The following UAP1L1 variants were observed in gnomAD, a reference collection of about 807,000 sequenced individuals.
UAP1L1 encodes the protein UDP-N-acetylglucosamine pyrophosphorylase 1 like 1.
In UAP1L1, 45 loss-of-function variants were observed where a neutral mutation model predicts 45.3. The ratio of observed to expected loss-of-function variants is 0.99; its 90% confidence interval spans 0.78 to 1.27. UAP1L1 has a LOEUF of 1.27. UAP1L1 is among the 50% of genes most tolerant of loss of function. The probability of loss-of-function intolerance (pLI) is 0.00; values close to 1 mark genes in which losing one functional copy is unlikely to be tolerated. For missense variants in UAP1L1, 667 were observed against 694.0 expected, an observed-to-expected ratio of 0.96 and a Z score of 0.44; for synonymous variants, 323 against 303.9, an observed-to-expected ratio of 1.06 and a Z score of -0.65.
Position 137,082,674 on chromosome 9 carries a change from C to G in UAP1L1, c.1469C>G (p.Ser490Cys). The change falls in exon 9 of 9, where the codon TCC (serine) becomes TGC (cysteine). Residue 490 changes from serine (S) to cysteine (C), a missense_variant. Physicochemically the swap from Ser to Cys is moderately radical, Grantham distance 112 (BLOSUM62 -1). Transcript: ENST00000409858. The surrounding 1 kb of genome is among the most constrained non-coding windows in gnomAD (Gnocchi z 5.7). ...TACCTGCAAGGCCGGGAGTTCCAGTCCCCGCTCATCCTGGATGAAGACCAG... is the reference window on the plus strand; with the variant it reads ...TACCTGCAAGGCCGGGAGTTCCAGTGCCCGCTCATCCTGGATGAAGACCAG... Reference protein sequence around the residue: ...EVYLQGREFQSPLILDEDQAR... With the variant: ...EVYLQGREFQCPLILDEDQAR... The G allele has an allele frequency of 1.9e-6, 3 of 1,552,202 alleles. No individual in the cohort carries two copies. Among genetic ancestry groups the G allele is most frequent in the Non-Finnish European group, 2.6e-6 (3 of 1,147,476 alleles).
At chr9:137,079,837 G>C in intron 5 of UAP1L1, 165 bp from the exon 6 acceptor site, 1 of 789,330 alleles carries the variant, frequency 1.3e-6, no homozygotes, top group Non-Finnish European at 2.0e-6. Context: ...GCCTGTGCCT[G>C]CTTCTCCCTG....
rs1324538146 is a variant in UAP1L1, at chr9:137,080,043, A to G, written c.1079A>G (p.Lys360Arg). The part of the protein sequence containing the change: ...PLLKPHVAVK[K>R]VPYVDEEGNL... ...CTGAAGCCACACGTGGCTGTGAAGA[A>G]GGTCCCGTATGTGGATGAGGAGGGG... Residue 360 changes from lysine to arginine, a missense_variant, in exon 6 of 9, where the codon AAG becomes AGG. Lys to Arg is a conservative substitution (Grantham distance 26). Coordinates refer to ENST00000409858, the MANE Select transcript of UAP1L1 (RefSeq NM_207309.3). 6.2e-7 allele frequency: 1 copy of G among 1,614,126 alleles called. No homozygotes were observed. The highest frequency in any genetic ancestry group is 8.5e-7 in the Non-Finnish European group (1 of 1,179,986).
rs1832817143 is a variant in UAP1L1 at position 137,083,054 on chromosome 9, C to T, written c.*325C>T. 2 of 326,158 alleles carry T rather than the reference C, an allele frequency of 6.1e-6. No individual in the cohort carries two copies. The highest frequency in any genetic ancestry group is 2.1e-5 in the African/African-American group (1 of 48,128). The allele number at this position is 326,158 out of a possible 1,614,324, so 20.2% of individuals were successfully genotyped here. A position where few individuals can be genotyped will look rare whatever the true frequency, so the allele number is the denominator to read the frequency against. On this transcript the variant is annotated 3_prime_UTR_variant, in exon 9 of 9. Coordinates refer to ENST00000409858, the MANE Select transcript of UAP1L1 (RefSeq NM_207309.3). ...GGACTTGGGACCTGGGAGAATGGGG[C>T]TGAGAGGAGGCTTCGGGTTGGGGCC...
Position 137,078,996 on chromosome 9 carries a change from T to A in UAP1L1, c.691T>A (p.Cys231Ser), listed in dbSNP as rs757649106. ...TGCAGACGGCAACGGGGGCCTCTACTGCGCGCTGGAGGACCACAAGATCCT... is the reference window on the plus strand; with the variant it reads ...TGCAGACGGCAACGGGGGCCTCTACAGCGCGCTGGAGGACCACAAGATCCT... ...MAPDGNGGLY[C>S]ALEDHKILED... Residue 231 changes from cysteine to serine, a missense_variant, in exon 4 of 9, where the codon TGC (cysteine) becomes AGC (serine). Transcript: ENST00000409858. The A allele has an allele frequency of 5.0e-6, 8 of 1,595,628 alleles. No individual in the cohort carries two copies. The South Asian group carries it at 6.8e-5, about 14-fold the overall frequency.
At chr9:137,079,522 G>A (rs1000008940) in intron 5 of UAP1L1, 73 bp downstream of exon 5, 2 of 1,433,458 alleles carry the variant, frequency 1.4e-6, no homozygotes, top group African/African-American at 2.9e-5. Flanking sequence ...CGGGGTCCCA[G>A]TGAGCTGAGT....
intron 5 of UAP1L1, 84 bp from the exon 6 acceptor site, chr9:137,079,918 G>T: frequency 6.5e-7 from 1 of 1,537,516 alleles, no homozygotes; most frequent in African/African-American, 1.4e-5. Flanking sequence ...ACCCAGCTGG[G>T]TGTGCTCAGA....
Position 137,082,805 on chromosome 9 carries a change from C to A in UAP1L1, c.*76C>A. The A allele has an allele frequency of 7.8e-7, 1 of 1,280,228 alleles. No homozygotes were observed. The highest frequency in any genetic ancestry group is 1.1e-6 in the Non-Finnish European group (1 of 918,256). The allele number at this position is 1,280,228 out of a possible 1,614,324, so 79.3% of individuals were successfully genotyped here. A position where few individuals can be genotyped will look rare whatever the true frequency, so the allele number is the denominator to read the frequency against. ...CTGGAAGTCCCGACTCCCCCCAGAC[C>A]TGCCAGCCCCGGCGTCCTGGAGCTG... On this transcript the variant is annotated 3_prime_UTR_variant, in exon 9 of 9. Coordinates refer to ENST00000409858, the MANE Select transcript of UAP1L1 (RefSeq NM_207309.3). The surrounding 1 kb of genome is among the most constrained non-coding windows in gnomAD (Gnocchi z 5.7).
chr9:137,079,502 C>T, intron 5 of UAP1L1, 53 bp downstream of exon 5: 1 of 1,527,032 alleles, frequency 6.5e-7, no homozygotes, highest in Non-Finnish European at 8.8e-7. Context: ...CTGCGTTGAC[C>T]AGGGACCCGC....
chr9:137,082,038 T>A lies in UAP1L1; in HGVS notation c.1405T>A (p.Ser469Thr). 1.9e-6 allele frequency: 3 copies of A among 1,614,056 alleles called. No homozygotes were observed. The highest frequency in any genetic ancestry group is 2.5e-6 in the Non-Finnish European group (3 of 1,180,012). Reference sequence around the variant, plus strand: ...AGACCCTCCGGCCATCTGTGAGATATCGCCCTTGGTGTCTTACTCTGGAGA... The same window carrying A: ...AGACCCTCCGGCCATCTGTGAGATAACGCCCTTGGTGTCTTACTCTGGAGA... ...NGDPPAICEISPLVSYSGEGL... is the reference protein window; with the variant it reads ...NGDPPAICEITPLVSYSGEGL... The change falls in exon 8 of 9, where the codon TCG (serine) becomes ACG (threonine). Residue 469 changes from serine (S) to threonine (T), a missense_variant. Coordinates refer to ENST00000409858, the MANE Select transcript of UAP1L1 (RefSeq NM_207309.3). The surrounding 1 kb of genome is among the most constrained non-coding windows in gnomAD (Gnocchi z 5.7).
chr9:137,079,216 C>T, intron 4 of UAP1L1, 40 bp from the exon 5 acceptor site: 1 of 1,595,310 alleles, frequency 6.3e-7, no homozygotes, highest in Non-Finnish European at 8.5e-7. Flanking sequence ...CCCCGCCCCT[C>T]CGCCCAGCCC....
intron 6 of UAP1L1, 186 bp from the exon 7 acceptor site, chr9:137,080,503 G>C: frequency 1.6e-6 from 1 of 640,616 alleles, no homozygotes. Flanking sequence ...GGAAATGGCT[G>C]CTGGGATTGG....
chr9:137,078,269 C>T lies in UAP1L1; in HGVS notation c.494+15C>T. 1.3e-6 allele frequency: 2 copies of T among 1,529,448 alleles called. No individual in the cohort carries two copies. Among genetic ancestry groups the T allele is most frequent in the South Asian group, 2.4e-5 (2 of 82,372 alleles). 94.7% of individuals were successfully genotyped at this position (1,529,448 alleles called of 1,614,324 possible). A position where few individuals can be genotyped will look rare whatever the true frequency, so the allele number is the denominator to read the frequency against. ...ACCGTCCCCTGGTGTGTCCTGCCTG[C>T]CCTACCTCGGCCCGGAGGTACCCTT... On this transcript the variant is annotated intron_variant, in intron 2 of 8. Coordinates refer to ENST00000409858, the MANE Select transcript of UAP1L1 (RefSeq NM_207309.3).
At position 137,078,674 on chromosome 9, in the gene UAP1L1, C is replaced by G. The variant is rs769150154; in HGVS notation, c.667C>G (p.Pro223Ala). ...LERKDKVAMAPDGNGGLYCAL... is the reference protein window; with the variant it reads ...LERKDKVAMAADGNGGLYCAL... ...GCGGAAAGACAAAGTTGCCATGGCC[C>G]CAGGTGTGGCCCGTTCCTGAGACGG... Residue 223 changes from proline to alanine, a missense_variant, in exon 3 of 9, where the codon CCA becomes GCA. By Grantham distance (27) the Pro-to-Ala change is conservative. Transcript: ENST00000409858. 8.1e-6 allele frequency: 13 copies of G among 1,610,440 alleles called. No individual in the cohort carries two copies. Among genetic ancestry groups the G allele is most frequent in the Non-Finnish European group, 1.1e-5 (13 of 1,178,298 alleles).
At position 137,082,584 on chromosome 9, in the gene UAP1L1, C is replaced by T. The variant is rs1832806522; in HGVS notation, c.1432-53C>T. On this transcript the variant is annotated intron_variant, in intron 8 of 8. Transcript: ENST00000409858. The surrounding 1 kb of genome is among the most constrained non-coding windows in gnomAD (Gnocchi z 5.7). Reference sequence around the variant, plus strand: ...GTGGCTCTTGGTGTGGCCAGAGGGGCTGTGACCCGCCAAAAGGTGGGTACT... The same window carrying T: ...GTGGCTCTTGGTGTGGCCAGAGGGGTTGTGACCCGCCAAAAGGTGGGTACT... The T allele has an allele frequency of 3.5e-6, 5 of 1,446,052 alleles. No individual in the cohort carries two copies. In the Admixed American group the frequency reaches 9.9e-5, roughly 29 times the overall value. 89.6% of individuals were successfully genotyped at this position (1,446,052 alleles called of 1,614,324 possible). A position where few individuals can be genotyped will look rare whatever the true frequency, so the allele number is the denominator to read the frequency against.
rs1373259879 is a variant in UAP1L1 at position 137,078,641 on chromosome 9, A to T, written c.634A>T (p.Ile212Phe). The T allele has an allele frequency of 1.2e-6, 2 of 1,612,902 alleles. No homozygotes were observed. Among genetic ancestry groups the T allele is most frequent in the South Asian group, 1.1e-5 (1 of 91,092 alleles). ...TGCTGTGACCTTTGATGGCAAGGTT[A>T]TCCTGGAGCGGAAAGACAAAGTTGC... The part of the protein sequence containing the change: ...LPAVTFDGKV[I>F]LERKDKVAMA... The change falls in exon 3 of 9, where the codon ATC becomes TTC. Residue 212 changes from isoleucine to phenylalanine, a missense_variant. Transcript: ENST00000409858.
Position 137,082,547 on chromosome 9 carries a change from C to T in UAP1L1, c.1432-90C>T. On this transcript the variant is annotated intron_variant, in intron 8 of 8. Coordinates refer to ENST00000409858, the MANE Select transcript of UAP1L1 (RefSeq NM_207309.3). The surrounding 1 kb of genome is among the most constrained non-coding windows in gnomAD (Gnocchi z 5.7). ...CTGACTCCAGGCAGACCTGGGATCGCACCTGGGGACTGTGGCTCTTGGTGT... is the reference window on the plus strand; with the variant it reads ...CTGACTCCAGGCAGACCTGGGATCGTACCTGGGGACTGTGGCTCTTGGTGT... 1 of 1,089,282 alleles carries T rather than the reference C, an allele frequency of 9.2e-7. No homozygotes were observed. The highest frequency in any genetic ancestry group is 1.4e-6 in the Non-Finnish European group (1 of 735,690). The allele number at this position is 1,089,282 out of a possible 1,614,324, so 67.5% of individuals were successfully genotyped here.
intron 6 of UAP1L1, chr9:137,080,391 C>T: frequency 1.7e-6 from 1 of 593,500 alleles, no homozygotes; most frequent in Non-Finnish European, 2.9e-6. Flanking sequence ...TTCCACTGCC[C>T]CCACCCATGG....
chr9:137,082,374 G>A lies in UAP1L1; in HGVS notation c.1432-263G>A, dbSNP rs1832802222. ...CGGCCTCTGCTACCTCCCTGACCTCGGCTGCCCTTGCCCCTTTCTCTGGTC... is the reference window on the plus strand; with the variant it reads ...CGGCCTCTGCTACCTCCCTGACCTCAGCTGCCCTTGCCCCTTTCTCTGGTC... On this transcript the variant is annotated intron_variant, in intron 8 of 8. Coordinates refer to ENST00000409858, the MANE Select transcript of UAP1L1 (RefSeq NM_207309.3). The surrounding 1 kb of genome is among the most constrained non-coding windows in gnomAD (Gnocchi z 5.7). 6.7e-6 allele frequency: 4 copies of A among 595,822 alleles called. No individual in the cohort carries two copies. Among genetic ancestry groups the A allele is most frequent in the South Asian group, 2.0e-5 (1 of 49,822 alleles). The allele number at this position is 595,822 out of a possible 1,614,324, so 36.9% of individuals were successfully genotyped here.
intron 7 of UAP1L1, among the ~76,000 whole-genome samples, chr9:137,081,627 A>T (rs1167684678): frequency 2.6e-5 from 4 of 152,064 alleles, no homozygotes; most frequent in Non-Finnish European, 4.4e-5. Context: ...GTTCCCATTT[A>T]TTCACAGGCT....
Sources: allele counts gnomAD v4.1 joint callset (sites outside exome capture counted in the v4.1 genomes callset), GRCh38; gene constraint gnomAD v4.1.1; non-coding constraint Gnocchi (gnomAD v3.1); transcripts MANE v1.5; gene names NCBI Gene and HGNC (gene_info 2026-07-23, HGNC 2026-07-21).